Variants in SYT14 observed in about 807,000 individuals in gnomAD.
SYT14 encodes synaptotagmin 14, also known as synaptotagmin-14.
SYT14 carries 32 observed loss-of-function variants against 74.2 expected under a neutral mutation model. The ratio of observed to expected loss-of-function variants is 0.43; its 90% CI spans 0.33 to 0.58. SYT14 has a LOEUF of 0.58. SYT14 is among the 20% of genes least tolerant of loss of function. The pLI, the probability that SYT14 is intolerant of heterozygous loss-of-function variation, is 0.05. For synonymous variants in SYT14, 298 were observed against 337.7 expected (o/e 0.88, Z 1.29); for missense variants, 791 against 981.8 (o/e 0.81, Z 2.60).
At chr1:210,094,704 TTATAGTACCAGTATCCATCC>T in intron 6 of SYT14, 111 bp downstream of exon 5, 3 of 1,246,082 alleles carry the variant, frequency 2.4e-6, no homozygotes, top group Non-Finnish European at 3.4e-6. Flanking sequence ...CCTTTGTAAC[TTATAGTACCAGTATCCATCC>T]TTAATCTAAT....
chr1:210,023,097 A>G (rs1011418090), intron 5 of SYT14, among the ~76,000 whole-genome samples: 1 of 152,040 alleles, frequency 6.6e-6, no homozygotes, highest in African/African-American at 2.4e-5. Flanking sequence ...ACCCTCAATT[A>G]TTTGATGAAA....
exon 4 of SYT14, chr1:210,016,287 A>G: frequency 1.6e-6 from 2 of 1,232,198 alleles, no homozygotes; most frequent in East Asian, 3.2e-5. Context: ...AATTTAGAGC[A>G]TAGAGCAAAG....
intron 1 of SYT14, among the ~76,000 whole-genome samples, chr1:209,940,868 A>G (rs1263536274): frequency 6.6e-6 from 1 of 152,222 alleles, no homozygotes; most frequent in East Asian, 1.9e-4. Context: ...GTTGAATAGC[A>G]TACATCAAAA....
intron 5 of SYT14, among the ~76,000 whole-genome samples, chr1:210,074,873 T>A (rs1350038608): frequency 6.6e-6 from 1 of 152,160 alleles, no homozygotes; most frequent in African/African-American, 2.4e-5. Context: ...GGTGCTCTTT[T>A]AGTTTAGCCA....
chr1:209,973,399 C>G (rs1413136926), intron 2 of SYT14, among the ~76,000 whole-genome samples: 3 of 152,030 alleles, frequency 2.0e-5, no homozygotes, highest in Non-Finnish European at 4.4e-5. Context: ...GTGTGATGTT[C>G]CCCTTCCTGT....
chr1:210,162,479 C>A (rs1435981079), exon 10 of SYT14: 1 of 343,024 alleles, frequency 2.9e-6, no homozygotes, highest in Non-Finnish European at 5.6e-6. Context: ...TTGCTTCTTA[C>A]CTAATATATC....
chr1:210,003,606 G>A (rs2079939862), intron 2 of SYT14, among the ~76,000 whole-genome samples: 1 of 151,910 alleles, frequency 6.6e-6, no homozygotes, highest in Admixed American at 6.6e-5. Flanking sequence ...GGCCCTCTAG[G>A]CCCTGAAAAA....
intron 7 of SYT14, among the ~76,000 whole-genome samples, chr1:210,135,651 A>G (rs950708325): frequency 6.6e-6 from 1 of 152,052 alleles, no homozygotes. Flanking sequence ...ATAATTTTTA[A>G]TGGATCCCAG....
chr1:210,163,640 G>A (rs974523163), exon 10 of SYT14: 1 of 453,450 alleles, frequency 2.2e-6, no homozygotes, highest in Non-Finnish European at 4.4e-6. Flanking sequence ...TTCTGCTGCT[G>A]TTCTCCTTCA....
intron 2 of SYT14, among the ~76,000 whole-genome samples, chr1:209,974,182 G>A (rs553552906): frequency 6.6e-6 from 1 of 152,200 alleles, no homozygotes; most frequent in South Asian, 2.1e-4. Context: ...TCTGATGGTA[G>A]TTTCTTTTGC....
intron 7 of SYT14, among the ~76,000 whole-genome samples, chr1:210,144,529 T>G (rs1247783768): frequency 6.6e-6 from 1 of 152,088 alleles, no homozygotes; most frequent in African/African-American, 2.4e-5. Context: ...ATTACTCATT[T>G]ATATACTCGT....
intron 7 of SYT14, among the ~76,000 whole-genome samples, chr1:210,107,276 A>G (rs1049517263): frequency 3.3e-5 from 5 of 152,226 alleles, no homozygotes; most frequent in Non-Finnish European, 5.9e-5. Flanking sequence ...CCCTCCTGAC[A>G]GCTAGGGCAA....
intron 5 of SYT14, among the ~76,000 whole-genome samples, chr1:210,050,469 A>G (rs958440531): frequency 2.6e-5 from 4 of 151,834 alleles, no homozygotes; most frequent in Non-Finnish European, 5.9e-5. Context: ...AACTATTCCA[A>G]CCTTTGCCTG....
chr1:210,078,327 A>G (rs1216668801), intron 5 of SYT14, among the ~76,000 whole-genome samples: 2 of 151,154 alleles, frequency 1.3e-5, no homozygotes, highest in Non-Finnish European at 3.0e-5. Flanking sequence ...AAAAAAAAAA[A>G]AAAAAAAAAA....
At chr1:210,037,761 A>C (rs1464263207) in intron 5 of SYT14, among the ~76,000 whole-genome samples, 2 of 151,952 alleles carry the variant, frequency 1.3e-5, no homozygotes, top group Admixed American at 1.3e-4. Flanking sequence ...TTCCTCATGG[A>C]ATCGATTTCT....
rs367919225 is a variant in SYT14 at position 209,999,536 on chromosome 1, TGTG to T, written c.-485-14094_-485-14092del. Among the ~76,000 whole-genome samples the T allele has an allele frequency of 6.9e-3, 1,049 of 152,182 alleles. 13 individuals carry two copies. The highest frequency in any genetic ancestry group is 0.01 in the Non-Finnish European group (697 of 67,958). On this transcript the variant is annotated intron_variant, in intron 2 of 9. Transcript: ENST00000637265. ...ATTTTCCAATGAATGGATAAGAAAA[TGTG>T]GTAAATTTACACAATGGAATACTAT...
intron 2 of SYT14, among the ~76,000 whole-genome samples, chr1:209,997,162 GA>G (rs35385388): frequency 0.54 from 81,546 of 149,672 alleles, 23,238 homozygotes; most frequent in African/African-American, 0.72. Flanking sequence ...GGGAAAAAAA[GA>G]AAAAAAAAAG....
intron 9 of SYT14, among the ~76,000 whole-genome samples, chr1:210,159,932 T>TA: frequency 6.6e-6 from 1 of 152,272 alleles, no homozygotes; most frequent in East Asian, 1.9e-4. Flanking sequence ...CTTCGTACAC[T>TA]AAACATCACA....
intron 7 of SYT14, among the ~76,000 whole-genome samples, chr1:210,148,733 A>G (rs1157451041): frequency 6.6e-6 from 1 of 152,186 alleles, no homozygotes; most frequent in Non-Finnish European, 1.5e-5. Flanking sequence ...AGAGGAAAAA[A>G]AGATGGTCGA....
Sources: allele counts gnomAD v4.1 joint callset (sites outside exome capture counted in the v4.1 genomes callset), GRCh38; gene constraint gnomAD v4.1.1; transcripts MANE v1.5; gene names NCBI Gene and HGNC (gene_info 2026-07-23, HGNC 2026-07-21).